Variants in FLI1 observed in about 807,000 individuals in gnomAD.
FLI1 encodes Fli-1 proto-oncogene, ETS transcription factor.
A neutral mutation model predicts 53.1 loss-of-function variants in FLI1; 13 were observed. The observed-to-expected ratio is 0.24, with a 90% CI of 0.16 to 0.39. The LOEUF (loss-of-function observed/expected upper bound fraction) is 0.39. Ranked by LOEUF, FLI1 falls within the 10% of genes least tolerant of loss-of-function variation. The pLI is 1.00. For missense variants in FLI1, 424 were observed against 600.5 expected (o/e 0.71, Z 3.07); for synonymous variants, 244 against 236.7 (o/e 1.03, Z -0.28).
intron 3 of FLI1, among the ~76,000 whole-genome samples, chr11:128,771,253 C>T (rs1248569870): frequency 1.3e-5 from 2 of 152,260 alleles, no homozygotes; most frequent in Non-Finnish European, 2.9e-5. Context: ...CAGCAGCAGG[C>T]TGTGACCTGT....
At chr11:128,741,064 G>A (rs567286755) in intron 1 of FLI1, among the ~76,000 whole-genome samples, 1 of 152,294 alleles carries the variant, frequency 6.6e-6, no homozygotes, top group Admixed American at 6.5e-5. Flanking sequence ...TGAGTTAAGG[G>A]GCTAAAGGCC....
Position 128,712,499 on chromosome 11 carries a change from C to T in FLI1, c.18+18223C>T, listed in dbSNP as rs80014576. Among the ~76,000 whole-genome samples the T allele has an allele frequency of 3.9e-4, 59 of 152,220 alleles. No homozygotes were observed. In the East Asian group the frequency reaches 0.01, roughly 26 times the overall value. The stretch of plus-strand genomic sequence containing the variant: ...TTCACATTGCTGGTAAAGATATACC[C>T]GAGATGGGGCAATTTATAAAAGAAA... On this transcript the variant is annotated intron_variant, in intron 1 of 8. Transcript: ENST00000527786.
chr11:128,792,135 C>T (rs1342652016), intron 5 of FLI1, among the ~76,000 whole-genome samples: 2 of 152,174 alleles, frequency 1.3e-5, no homozygotes, highest in African/African-American at 4.8e-5. Flanking sequence ...TTACCTGAAT[C>T]ACAGGTATGA....
At chr11:128,748,285 G>A (rs1336386937) in intron 1 of FLI1, 21 of 983,110 alleles carry the variant, frequency 2.1e-5, no homozygotes, top group Non-Finnish European at 2.4e-5. Context: ...CCCAGGAAGT[G>A]GAATTGTAAG....
intron 5 of FLI1, among the ~76,000 whole-genome samples, chr11:128,794,635 T>C (rs1365184801): frequency 6.6e-6 from 1 of 152,240 alleles, no homozygotes; most frequent in Admixed American, 6.5e-5. Flanking sequence ...CAGAAGCCCT[T>C]ATCTAAGATA....
chr11:128,741,730 C>T (rs925741778), intron 1 of FLI1, among the ~76,000 whole-genome samples: 2 of 152,182 alleles, frequency 1.3e-5, no homozygotes, highest in African/African-American at 4.8e-5. Context: ...TGCCCCTCCC[C>T]CCGATTCCTG....
chr11:128,710,086 G>A (rs1178718146), intron 1 of FLI1, among the ~76,000 whole-genome samples: 1 of 152,178 alleles, frequency 6.6e-6, no homozygotes, highest in East Asian at 1.9e-4. Flanking sequence ...CAGGAAAGCT[G>A]GGTTGGTCTT....
intron 1 of FLI1, 73 bp from the exon 2 acceptor site, chr11:128,758,042 G>A: frequency 1.4e-6 from 2 of 1,389,606 alleles, no homozygotes; most frequent in African/African-American, 1.4e-5. Context: ...CACCTTGCCA[G>A]CTCAAAGCAA....
At chr11:128,768,334 A>G in intron 3 of FLI1, 62 bp downstream of exon 3, 1 of 1,589,896 alleles carries the variant, frequency 6.3e-7, no homozygotes, top group Non-Finnish European at 8.6e-7. Context: ...GGGGGCAGGG[A>G]GCATCTAAAC....
chr11:128,768,628 G>A (rs1181371302), intron 3 of FLI1: 1 of 224,438 alleles, frequency 4.5e-6, no homozygotes. Flanking sequence ...GGCGGAGGTT[G>A]CAGGGAGCCA....
chr11:128,801,675 A>G (rs750040669), intron 5 of FLI1, among the ~76,000 whole-genome samples: 2 of 152,218 alleles, frequency 1.3e-5, no homozygotes, highest in Non-Finnish European at 2.9e-5. Context: ...GGGTAGGAGC[A>G]CTGGGTTCTC....
intron 2 of FLI1, among the ~76,000 whole-genome samples, chr11:128,761,440 C>A (rs563186462): frequency 6.6e-6 from 1 of 152,162 alleles, no homozygotes; most frequent in African/African-American, 2.4e-5. Flanking sequence ...AATAAATTGT[C>A]GTCAAATAAA....
At chr11:128,782,417 G>A (rs543577497) in intron 5 of FLI1, among the ~76,000 whole-genome samples, 9 of 152,192 alleles carry the variant, frequency 5.9e-5, no homozygotes, top group East Asian at 3.9e-4. Context: ...TTTAGCAGCC[G>A]GTCATGCTGG....
intron 5 of FLI1, among the ~76,000 whole-genome samples, chr11:128,803,576 C>T (rs1942694384): frequency 1.3e-5 from 2 of 152,194 alleles, no homozygotes; most frequent in African/African-American, 4.8e-5. Context: ...TCCTCCATGC[C>T]TTAGGCACAT....
chr11:128,778,947 G>A (rs1028688619), intron 4 of FLI1, among the ~76,000 whole-genome samples: 2 of 148,406 alleles, frequency 1.3e-5, no homozygotes, highest in Non-Finnish European at 2.9e-5. Flanking sequence ...GGTCCCTTGG[G>A]AGAGAGGCCA....
chr11:128,741,872 G>A (rs1333551144), intron 1 of FLI1, among the ~76,000 whole-genome samples: 5 of 152,150 alleles, frequency 3.3e-5, no homozygotes, highest in African/African-American at 1.2e-4. Flanking sequence ...GGGATGCTGA[G>A]TGGGGGAGGC....
At chr11:128,735,504 T>A (rs1320825223) in intron 1 of FLI1, among the ~76,000 whole-genome samples, 2 of 152,264 alleles carry the variant, frequency 1.3e-5, no homozygotes, top group Non-Finnish European at 2.9e-5. Context: ...TTGATTTTAA[T>A]TTTCAGAGAG....
chr11:128,780,422 C>A (rs1321300858), intron 4 of FLI1, among the ~76,000 whole-genome samples: 2 of 152,140 alleles, frequency 1.3e-5, no homozygotes, highest in Non-Finnish European at 2.9e-5. Context: ...ATGGAGAAAC[C>A]CCGTCTCTAC....
intron 5 of FLI1, among the ~76,000 whole-genome samples, chr11:128,783,931 GAGGGAAGGAAGGGA>G (rs1488109442): frequency 1.3e-5 from 2 of 152,022 alleles, no homozygotes; most frequent in East Asian, 3.9e-4. Flanking sequence ...GAGAGAGAGA[GAGGGAAGGAAGGGA>G]AGGGAAGGAA....
Sources: allele counts gnomAD v4.1 joint callset (sites outside exome capture counted in the v4.1 genomes callset), GRCh38; gene constraint gnomAD v4.1.1; transcripts MANE v1.5; gene names NCBI Gene and HGNC (gene_info 2026-07-23, HGNC 2026-07-21).